CDH4: variants seen among roughly 807,000 people sequenced by gnomAD.
CDH4 encodes the protein cadherin 4, also known as cadherin-4.
A neutral mutation model predicts 86.0 loss-of-function variants in CDH4; 33 were observed. The observed-to-expected ratio is 0.38, with a 90% confidence interval of 0.29 to 0.51. CDH4 has a LOEUF of 0.51. Among genes scored for constraint, CDH4 ranks in the 20% least tolerant of loss-of-function variants. The pLI is 0.86. For missense variants in CDH4, 1,114 were observed against 1,307.4 expected (o/e 0.85, Z 2.28); for synonymous variants, 555 against 549.4 (o/e 1.01, Z -0.14).
rs1212713196 is a variant in CDH4, at chr20:61,754,776, ACCACACACACACTGCACG to A, written c.396+10998_396+11015del. Among the ~76,000 whole-genome samples, 1 of 144,438 alleles carries A rather than the reference ACCACACACACACTGCACG, an allele frequency of 6.9e-6. No homozygotes were observed. The highest frequency in any genetic ancestry group is 1.5e-5 in the Non-Finnish European group (1 of 66,336). 94.8% of individuals were successfully genotyped at this position (144,438 alleles called of 152,430 possible). A position where few individuals can be genotyped will look rare whatever the true frequency, so the allele number is the denominator to read the frequency against. ...CACACACACAGTGCATGCCACACAC[ACCACACACACACTGCACG>A]CCACACACACCACACACACGATGCA... On this transcript the variant is annotated intron_variant, in intron 3 of 15. Transcript: ENST00000614565. This position sits in a 1 kb window ranked among gnomAD's most constrained non-coding sequence, Gnocchi z 4.7.
At chr20:61,254,797 G>T in intron 1 of CDH4, 29 bp from the exon 2 acceptor site, 1 of 1,322,558 alleles carries the variant, frequency 7.6e-7, no homozygotes, top group Non-Finnish European at 1.1e-6. Context: ...TGAACTTATT[G>T]TTTTACACTC....
chr20:61,906,115 G>A (rs2054785640), intron 8 of CDH4, among the ~76,000 whole-genome samples: 1 of 152,240 alleles, frequency 6.6e-6, no homozygotes, highest in Admixed American at 6.5e-5. Flanking sequence ...CTAATTGGCT[G>A]ACTTAGGTCA....
intron 2 of CDH4, among the ~76,000 whole-genome samples, chr20:61,306,069 T>G (rs2084415628): frequency 6.6e-6 from 1 of 152,146 alleles, no homozygotes; most frequent in Non-Finnish European, 1.5e-5. Context: ...AGGCTGTGGG[T>G]TTCAGATCCT....
rs1042142620 is a variant in CDH4 at position 61,348,574 on chromosome 20, TG to T, written c.169+93638del. Among the ~76,000 whole-genome samples, 134 of 152,342 alleles carry T rather than the reference TG, an allele frequency of 8.8e-4. 1 individual carries two copies. Among genetic ancestry groups the T allele is most frequent in the African/African-American group, 2.8e-3 (118 of 41,584 alleles). ...GAGCTTCCAGTGAGAGCTTCACTTC[TG>T]TTCTCTTTAATTTTCTTTCACTTCC... On this transcript the variant is annotated intron_variant, in intron 2 of 15. Coordinates refer to ENST00000614565, the MANE Select transcript of CDH4 (RefSeq NM_001794.5).
chr20:61,536,248 C>G (rs1482200491), intron 2 of CDH4, among the ~76,000 whole-genome samples: 2 of 152,182 alleles, frequency 1.3e-5, no homozygotes, highest in South Asian at 2.1e-4. Flanking sequence ...CCGTGGCTCC[C>G]CTCCTGCCCC....
chr20:61,294,528 C>G (rs979396496), intron 2 of CDH4, among the ~76,000 whole-genome samples: 29 of 152,330 alleles, frequency 1.9e-4, no homozygotes, highest in African/African-American at 6.5e-4. Context: ...GCTGAGTGGC[C>G]CGGAAAGGCT....
intron 2 of CDH4, among the ~76,000 whole-genome samples, chr20:61,418,124 G>A (rs1381278686): frequency 6.6e-6 from 1 of 152,104 alleles, no homozygotes; most frequent in Non-Finnish European, 1.5e-5. Context: ...CTTTGTGCTG[G>A]CCCTTTGGTC....
In CDH4 at chr20:61,399,699, G is replaced by A. The variant is rs77586166; in HGVS notation, c.169+144762G>A. On this transcript the variant is annotated intron_variant, in intron 2 of 15. Coordinates refer to ENST00000614565, the MANE Select transcript of CDH4 (RefSeq NM_001794.5). ...GTCCACCTGCCCATCCATCACCCAC[G>A]AAGCACTTGGCCTCTCCAGTTCCCT... is the stretch of plus-strand genomic sequence containing the variant. Among the ~76,000 whole-genome samples, 455 of 152,290 alleles carry A rather than the reference G, an allele frequency of 3.0e-3. 1 individual carries two copies. Among genetic ancestry groups the A allele is most frequent in the Non-Finnish European group, 5.4e-3 (366 of 68,028 alleles).
At chr20:61,745,403 T>A (rs142274162) in intron 3 of CDH4, among the ~76,000 whole-genome samples, 1 of 152,136 alleles carries the variant, frequency 6.6e-6, no homozygotes, top group Non-Finnish European at 1.5e-5. Context: ...GAAGCGGAGA[T>A]GGAAGCGGAG....
chr20:61,802,779 C>T (rs6121811), intron 4 of CDH4, among the ~76,000 whole-genome samples: 55,081 of 152,080 alleles, frequency 0.36, 10,080 homozygotes, highest in East Asian at 0.42. Flanking sequence ...GGAGGAGAGG[C>T]TGGAGGAACC....
chr20:61,318,259 A>G (rs966457333), intron 2 of CDH4, among the ~76,000 whole-genome samples: 3 of 152,128 alleles, frequency 2.0e-5, no homozygotes, highest in African/African-American at 7.2e-5. Flanking sequence ...CTCCATCTGG[A>G]GTGAAGTTTC....
At chr20:61,469,904 G>A (rs1407395561) in intron 2 of CDH4, among the ~76,000 whole-genome samples, 1 of 152,054 alleles carries the variant, frequency 6.6e-6, no homozygotes, top group Admixed American at 6.6e-5. Context: ...TATCTCTTCT[G>A]TTCCATTGGC....
intron 2 of CDH4, among the ~76,000 whole-genome samples, chr20:61,562,491 C>A (rs1426048598): frequency 1.3e-5 from 2 of 152,194 alleles, no homozygotes; most frequent in Non-Finnish European, 2.9e-5. Context: ...CTTCTTTCAT[C>A]TTCAGGACAG....
intron 2 of CDH4, among the ~76,000 whole-genome samples, chr20:61,375,622 T>C (rs958162849): frequency 2.0e-5 from 2 of 101,610 alleles, no homozygotes; most frequent in African/African-American, 4.5e-5. Context: ...GGTGATGGTA[T>C]GGTTTGTTGA....
chr20:61,679,135 T>G (rs1315700377), intron 2 of CDH4, among the ~76,000 whole-genome samples: 1 of 151,986 alleles, frequency 6.6e-6, no homozygotes. Flanking sequence ...GCTACCAGGT[T>G]GGGTGGGTCA....
chr20:61,753,652 G>A (rs2088524830), intron 3 of CDH4, among the ~76,000 whole-genome samples: 1 of 152,232 alleles, frequency 6.6e-6, no homozygotes, highest in Non-Finnish European at 1.5e-5. Flanking sequence ...AGCTGCTGCA[G>A]CACTGAAAAG....
chr20:61,758,157 A>G (rs1324756425), intron 3 of CDH4, among the ~76,000 whole-genome samples: 2 of 152,180 alleles, frequency 1.3e-5, no homozygotes, highest in African/African-American at 4.8e-5. Context: ...GCCCCGGGAC[A>G]GGTGGACAGA....
intron 2 of CDH4, among the ~76,000 whole-genome samples, chr20:61,588,178 T>C (rs891792719): frequency 6.6e-6 from 1 of 152,234 alleles, no homozygotes; most frequent in African/African-American, 2.4e-5. Flanking sequence ...TTATTATTAA[T>C]TGTAGCAAGC....
At chr20:61,534,450 A>G (rs1303786421) in intron 2 of CDH4, among the ~76,000 whole-genome samples, 1 of 152,114 alleles carries the variant, frequency 6.6e-6, no homozygotes, top group Admixed American at 6.5e-5. Context: ...ACTTTTTTAA[A>G]GGTGGTAAAA....
Sources: gnomAD v4.1 joint callset for allele counts (sites outside exome capture counted in the v4.1 genomes callset) on GRCh38, gnomAD v4.1.1 for gene constraint, Gnocchi (gnomAD v3.1) non-coding constraint, MANE v1.5 for transcripts, NCBI Gene and HGNC (gene_info 2026-07-23, HGNC 2026-07-21) for gene names.